Variants in MYCT1 observed in about 807,000 individuals in gnomAD.
The protein encoded by MYCT1 is MYC target 1, also known as myc target protein 1.
In MYCT1, 12 loss-of-function variants were observed where a neutral mutation model predicts 15.0. The ratio of observed to expected loss-of-function variants is 0.80; its 90% CI spans 0.51 to 1.29. MYCT1 has a LOEUF of 1.29. Ranked by LOEUF, MYCT1 falls within the 50% of genes most tolerant of loss-of-function variation. The pLI is 0.00. For synonymous variants in MYCT1, 104 were observed against 102.7 expected, an observed-to-expected ratio of 1.01 and a Z score of -0.07; for missense variants, 287 against 279.1, an observed-to-expected ratio of 1.03 and a Z score of -0.20.
At chr6:152,740,172 G>T in the MYCT1 span, among the ~76,000 whole-genome samples, 1 of 151,780 alleles carries the variant, frequency 6.6e-6, no homozygotes, top group Non-Finnish European at 1.5e-5. Flanking sequence ...TCAGCCTCCT[G>T]AGTGAGTAGC....
chr6:152,738,540 G>A, the MYCT1 span, among the ~76,000 whole-genome samples: 12 of 151,916 alleles, frequency 7.9e-5, no homozygotes, highest in South Asian at 2.1e-4. Flanking sequence ...TTCTCCACTC[G>A]TTAACTAAAT....
At chr6:152,720,897 T>C (rs1057377944) in intron 1 of MYCT1, among the ~76,000 whole-genome samples, 12 of 152,206 alleles carry the variant, frequency 7.9e-5, no homozygotes, top group Admixed American at 6.5e-4. Context: ...TTCAAGAATA[T>C]GTATTTAGTT....
the MYCT1 span, among the ~76,000 whole-genome samples, chr6:152,736,140 C>T: frequency 6.6e-6 from 1 of 151,914 alleles, no homozygotes; most frequent in Non-Finnish European, 1.5e-5. Flanking sequence ...TAGCTGTGCA[C>T]TTAATGAAAG....
At chr6:152,703,768 T>C (rs2099721730) in intron 1 of MYCT1, among the ~76,000 whole-genome samples, 1 of 151,996 alleles carries the variant, frequency 6.6e-6, no homozygotes, top group Non-Finnish European at 1.5e-5. Context: ...AGTTTCCAAA[T>C]GCCCCCTCCC....
At chr6:152,731,132 C>A in the MYCT1 span, among the ~76,000 whole-genome samples, 1 of 151,960 alleles carries the variant, frequency 6.6e-6, no homozygotes, top group African/African-American at 2.4e-5. Context: ...ATCCTACCTT[C>A]AAGTCAATAA....
chr6:152,724,140 C>G lies in MYCT1; in HGVS notation c.*1887C>G, dbSNP rs1366620789. 6.6e-6 allele frequency: 1 copy of G among 151,414 alleles called. No individual in the cohort carries two copies. Among genetic ancestry groups the G allele is most frequent in the Non-Finnish European group, 1.5e-5 (1 of 67,944 alleles). 9.4% of individuals were successfully genotyped at this position (151,414 alleles called of 1,614,324 possible). A position where few individuals can be genotyped will look rare whatever the true frequency, so the allele number is the denominator to read the frequency against. ...TGGAAGAAAAAGGGAAAAAAGCTAA[C>G]CGGATAACCAATTTGTTATAAGTTG... On this transcript the variant is annotated 3_prime_UTR_variant, in exon 2 of 2. Coordinates refer to ENST00000367245, the MANE Select transcript of MYCT1 (RefSeq NM_025107.3).
At chr6:152,720,071 C>T (rs1174834985) in intron 1 of MYCT1, among the ~76,000 whole-genome samples, 2 of 151,838 alleles carry the variant, frequency 1.3e-5, no homozygotes, top group East Asian at 3.9e-4. Context: ...CTGGTCTTTG[C>T]TCATGTGTCA....
At chr6:152,729,005 C>T (rs2099726116), downstream of MYCT1, among the ~76,000 whole-genome samples, 1 of 152,130 alleles carries the variant, frequency 6.6e-6, no homozygotes. Context: ...GAATCAAGAA[C>T]AACATGTGCT....
At chr6:152,743,808 A>C in the MYCT1 span, among the ~76,000 whole-genome samples, 1 of 152,230 alleles carries the variant, frequency 6.6e-6, no homozygotes, top group Admixed American at 6.5e-5. Context: ...TTCTAGCTGA[A>C]AATGATGGTT....
downstream of MYCT1, among the ~76,000 whole-genome samples, chr6:152,727,057 G>T (rs6940543): frequency 4.3e-3 from 655 of 151,808 alleles, 7 homozygotes; most frequent in African/African-American, 0.015. Flanking sequence ...TAAAAATAAA[G>T]AAAATTAGCC....
At chr6:152,700,917 A>T (rs2099721208) in intron 1 of MYCT1, among the ~76,000 whole-genome samples, 2 of 152,178 alleles carry the variant, frequency 1.3e-5, no homozygotes, top group Non-Finnish European at 2.9e-5. Flanking sequence ...CCAAAAGTAC[A>T]ATGTCTGTCT....
chr6:152,739,280 A>G, the MYCT1 span, among the ~76,000 whole-genome samples: 17 of 151,820 alleles, frequency 1.1e-4, no homozygotes, highest in Admixed American at 1.1e-3. Context: ...TTAATAAATT[A>G]TAATCTGCAA....
chr6:152,736,697 T>A, the MYCT1 span, among the ~76,000 whole-genome samples: 1,093 of 152,142 alleles, frequency 7.2e-3, 16 homozygotes, highest in African/African-American at 0.022. Flanking sequence ...CACTTTTTTT[T>A]AAAAAAAGAA....
chr6:152,698,244 T>C, intron 1 of MYCT1, 146 bp downstream of exon 1: 1 of 375,792 alleles, frequency 2.7e-6, no homozygotes, highest in Admixed American at 4.6e-5. Context: ...AACAGAAATC[T>C]ATTTCATACG....
At chr6:152,703,740 A>G (rs899847011) in intron 1 of MYCT1, among the ~76,000 whole-genome samples, 27 of 152,078 alleles carry the variant, frequency 1.8e-4, no homozygotes, top group African/African-American at 6.0e-4. Flanking sequence ...ATCAAGATAC[A>G]TAATCACTGG....
rs762940063 is a variant in MYCT1 at position 152,722,188 on chromosome 6, G to T, written c.643G>T (p.Val215Leu). 37 of 1,614,012 alleles carry T rather than the reference G, an allele frequency of 2.3e-5. 1 individual carries two copies. The South Asian group carries it at 4.1e-4, about 18-fold the overall frequency. Residue 215 changes from valine (V) to leucine (L), a missense_variant, in exon 2 of 2, where the codon GTG becomes TTG. Coordinates refer to ENST00000367245, the MANE Select transcript of MYCT1 (RefSeq NM_025107.3). Reference sequence around the variant, plus strand: ...CTACTGGTCCAGTAACAGTCTTCGAGTGGGCCTTTCAACACCGCCCCCACC... The same window carrying T: ...CTACTGGTCCAGTAACAGTCTTCGATTGGGCCTTTCAACACCGCCCCCACC... ...PDYWSSNSLR[V>L]GLSTPPPPAY...
At chr6:152,715,885 T>C (rs2099723568) in intron 1 of MYCT1, among the ~76,000 whole-genome samples, 1 of 152,158 alleles carries the variant, frequency 6.6e-6, no homozygotes, top group African/African-American at 2.4e-5. Context: ...GTAGAGGAGA[T>C]GGGCTCAGAT....
At chr6:152,729,257 C>A (rs2099726160), downstream of MYCT1, among the ~76,000 whole-genome samples, 1 of 152,058 alleles carries the variant, frequency 6.6e-6, no homozygotes, top group Admixed American at 6.5e-5. Context: ...TTTAACTACA[C>A]TAATATTATT....
At chr6:152,699,299 A>C (rs1187278631) in intron 1 of MYCT1, among the ~76,000 whole-genome samples, 1 of 151,938 alleles carries the variant, frequency 6.6e-6, no homozygotes, top group African/African-American at 2.4e-5. Context: ...AAGATATTAA[A>C]ATTCAGCATA....
Sources: gnomAD v4.1 joint callset for allele counts (sites outside exome capture counted in the v4.1 genomes callset) on GRCh38, gnomAD v4.1.1 for gene constraint, MANE v1.5 for transcripts, NCBI Gene and HGNC (gene_info 2026-07-23, HGNC 2026-07-21) for gene names.